ROR2: variants seen among roughly 807,000 people sequenced by gnomAD.
The protein encoded by ROR2 is ROR family WNT receptor 2, also known as tyrosine-protein kinase transmembrane receptor ROR2.
A neutral mutation model predicts 74.9 loss-of-function variants in ROR2; 33 were observed. That is an observed-to-expected ratio of 0.44 (90% CI 0.33 to 0.59). ROR2 has a LOEUF of 0.59. ROR2 is among the 20% of genes least tolerant of loss of function. The probability of loss-of-function intolerance (pLI) is 0.02; values close to 1 mark genes in which losing one functional copy is unlikely to be tolerated. For missense variants in ROR2, 1,216 were observed against 1,313.8 expected (o/e 0.93, Z 1.15); for synonymous variants, 586 against 558.7 (o/e 1.05, Z -0.69).
intron 1 of ROR2, among the ~76,000 whole-genome samples, chr9:91,931,552 C>T (rs1238612699): frequency 6.6e-6 from 1 of 152,036 alleles, no homozygotes; most frequent in African/African-American, 2.4e-5. Context: ...AACTATATAA[C>T]CAATGAAGTT....
chr9:91,794,384 G>A (rs980493654), intron 1 of ROR2, among the ~76,000 whole-genome samples: 1 of 152,178 alleles, frequency 6.6e-6, no homozygotes, highest in African/African-American at 2.4e-5. Flanking sequence ...ATGAGATGCA[G>A]AAAGTCGGCA....
intron 1 of ROR2, among the ~76,000 whole-genome samples, chr9:91,811,299 C>T (rs1051440965): frequency 4.6e-5 from 7 of 152,210 alleles, no homozygotes; most frequent in East Asian, 1.9e-4. Flanking sequence ...CACGGGGGAG[C>T]GCAGGGCCCA....
At chr9:91,937,333 G>A (rs970801700) in intron 1 of ROR2, among the ~76,000 whole-genome samples, 4 of 152,008 alleles carry the variant, frequency 2.6e-5, no homozygotes, top group Admixed American at 6.5e-5. Flanking sequence ...TTTGTAAAGC[G>A]CAGAGACTCC....
chr9:91,753,957 T>C (rs1159861574), intron 4 of ROR2, among the ~76,000 whole-genome samples: 8 of 152,314 alleles, frequency 5.3e-5, no homozygotes, highest in African/African-American at 1.9e-4. Context: ...ATTTATGTGC[T>C]TTTAGACCTT....
intron 1 of ROR2, among the ~76,000 whole-genome samples, chr9:91,859,169 T>C (rs1004205940): frequency 2.0e-5 from 3 of 150,294 alleles, no homozygotes; most frequent in Admixed American, 2.0e-4. Flanking sequence ...AACTCATTCC[T>C]GCCAAGAAGG....
chr9:91,802,064 GGT>G (rs1827398914), intron 1 of ROR2, among the ~76,000 whole-genome samples: 1 of 146,360 alleles, frequency 6.8e-6, no homozygotes, highest in Non-Finnish European at 1.5e-5. Context: ...TAATTTGGAA[GGT>G]GTTTTTTTTT....
chr9:91,833,174 C>A (rs758435511), intron 1 of ROR2, among the ~76,000 whole-genome samples: 1 of 152,162 alleles, frequency 6.6e-6, no homozygotes, highest in Non-Finnish European at 1.5e-5. Context: ...TGCGTCACCA[C>A]GACACCAACC....
intron 1 of ROR2, among the ~76,000 whole-genome samples, chr9:91,899,181 G>A (rs1830610267): frequency 6.6e-6 from 1 of 152,192 alleles, no homozygotes; most frequent in Non-Finnish European, 1.5e-5. Context: ...CAGGGGGTGC[G>A]GGGGATGGCA....
At chr9:91,932,456 T>C (rs1831571252) in intron 1 of ROR2, among the ~76,000 whole-genome samples, 1 of 151,954 alleles carries the variant, frequency 6.6e-6, no homozygotes, top group African/African-American at 2.4e-5. Context: ...CTTAGATTCA[T>C]GACCAGGCTG....
intron 1 of ROR2, among the ~76,000 whole-genome samples, chr9:91,937,844 G>C (rs1290820309): frequency 6.6e-6 from 1 of 152,134 alleles, no homozygotes; most frequent in Non-Finnish European, 1.5e-5. Context: ...CTCCCGAGTA[G>C]TTGGGACTAC....
chr9:91,869,339 G>A (rs1340213919), intron 1 of ROR2, among the ~76,000 whole-genome samples: 2 of 152,160 alleles, frequency 1.3e-5, no homozygotes, highest in Non-Finnish European at 2.9e-5. Context: ...TTACAGGCAT[G>A]AGCCACCACG....
intron 2 of ROR2, among the ~76,000 whole-genome samples, chr9:91,774,699 A>G (rs1343668530): frequency 6.6e-6 from 1 of 152,200 alleles, no homozygotes; most frequent in Admixed American, 6.5e-5. Context: ...TTTATACATC[A>G]GAGAAGAAAT....
At chr9:91,949,568 G>T (rs1473796235) in intron 1 of ROR2, among the ~76,000 whole-genome samples, 1 of 151,210 alleles carries the variant, frequency 6.6e-6, no homozygotes, top group Non-Finnish European at 1.5e-5. Context: ...ATTCACACTC[G>T]CACTCCCACT....
chr9:91,733,248 C>T lies in ROR2; in HGVS notation c.811G>A (p.Ala271Thr), dbSNP rs1046023725. Residue 271 changes from alanine to threonine, a missense_variant, in exon 6 of 9, where the codon GCC (alanine) becomes ACC (threonine). Transcript: ENST00000375708. This position sits in a 1 kb window ranked among gnomAD's most constrained non-coding sequence, Gnocchi z 5.7. ...SDLCRQEYTIARSNPLILMRL... is the reference protein window; with the variant it reads ...SDLCRQEYTITRSNPLILMRL... ...ATGAGGATGAGCGGGTTGGAGCGGG[C>T]GATGGTGTACTCCTGGCGGCACAGG... The T allele has an allele frequency of 6.8e-6, 11 of 1,612,784 alleles. No individual in the cohort carries two copies. Among genetic ancestry groups the T allele is most frequent in the African/African-American group, 1.3e-5 (1 of 75,046 alleles).
At chr9:91,774,595 G>A (rs1826357008) in intron 2 of ROR2, among the ~76,000 whole-genome samples, 1 of 152,192 alleles carries the variant, frequency 6.6e-6, no homozygotes, top group Non-Finnish European at 1.5e-5. Flanking sequence ...CAGTGCCAAG[G>A]AAAAGGATTT....
chr9:91,726,508 G>A, intron 8 of ROR2, 33 bp downstream of exon 8: 1 of 1,596,260 alleles, frequency 6.3e-7, no homozygotes, highest in South Asian at 1.1e-5. Context: ...ACCTGGAAGA[G>A]CCACCCGGGT....
chr9:91,859,820 G>A (rs181286508), intron 1 of ROR2, among the ~76,000 whole-genome samples: 219 of 151,692 alleles, frequency 1.4e-3, no homozygotes, highest in Admixed American at 4.7e-3. Context: ...GTGAGGCTCC[G>A]TCTCAAACAA....
At chr9:91,800,205 G>A (rs1321899160) in intron 1 of ROR2, among the ~76,000 whole-genome samples, 1 of 152,196 alleles carries the variant, frequency 6.6e-6, no homozygotes, top group African/African-American at 2.4e-5. Flanking sequence ...AGCCGGGGGC[G>A]GTGGCACACG....
intron 4 of ROR2, 56 bp downstream of exon 4, chr9:91,756,015 A>G: frequency 6.3e-7 from 1 of 1,577,918 alleles, no homozygotes; most frequent in South Asian, 1.1e-5. Context: ...CCGGATTCCT[A>G]CATAACAAAA....
Sources: allele counts gnomAD v4.1 joint callset (sites outside exome capture counted in the v4.1 genomes callset), GRCh38; gene constraint gnomAD v4.1.1; non-coding constraint Gnocchi (gnomAD v3.1); transcripts MANE v1.5; gene names NCBI Gene and HGNC (gene_info 2026-07-23, HGNC 2026-07-21).